TEX14: variants seen among roughly 807,000 people sequenced by gnomAD.
TEX14 encodes testis expressed 14, intercellular bridge forming factor, also known as inactive serine/threonine-protein kinase TEX14.
In TEX14, 168 loss-of-function variants were observed where a neutral mutation model predicts 178.6. The observed-to-expected ratio is 0.94, with a 90% CI of 0.83 to 1.07. The LOEUF is 1.07. Among genes scored for constraint, TEX14 ranks in the 50% least tolerant of loss-of-function variants. TEX14 has a pLI of 0.00. For synonymous variants in TEX14, 626 were observed against 634.1 expected, an observed-to-expected ratio of 0.99 and a Z score of 0.19; for missense variants, 1,730 against 1,753.6, an observed-to-expected ratio of 0.99 and a Z score of 0.24.
intron 22 of TEX14, 122 bp downstream of exon 22, chr17:58,574,065 C>A: frequency 1.3e-6 from 1 of 763,350 alleles, no homozygotes; most frequent in South Asian, 1.6e-5. Context: ...GTGAAAGAAG[C>A]AGCATACTCA....
intron 1 of TEX14, chr17:58,675,182 G>T (rs114125714): frequency 3.3e-5 from 5 of 151,400 alleles, no homozygotes; most frequent in African/African-American, 1.2e-4. Flanking sequence ...ATAAGCACAC[G>T]AAAATATGTT....
chr17:58,619,929 G>C (rs757908964), intron 5 of TEX14, among the ~76,000 whole-genome samples: 21 of 151,730 alleles, frequency 1.4e-4, no homozygotes, highest in Middle Eastern at 3.4e-3. Flanking sequence ...GATTGTAAAA[G>C]CTCATCCACA....
chr17:58,626,538 A>C (rs862809), intron 3 of TEX14, among the ~76,000 whole-genome samples: 108,278 of 140,964 alleles, frequency 0.77, 41,745 homozygotes, highest in African/African-American at 0.93. Flanking sequence ...CCACTGCACT[A>C]CAGCCTGGGC....
intron 14 of TEX14, among the ~76,000 whole-genome samples, chr17:58,597,172 TG>T (rs2045307158): frequency 6.6e-6 from 1 of 151,854 alleles, no homozygotes; most frequent in South Asian, 2.1e-4. Context: ...CTGAGGCAGG[TG>T]GATCACCTAT....
intron 24 of TEX14, 122 bp from the exon 25 acceptor site, chr17:58,570,606 G>A (rs938197204): frequency 3.6e-4 from 163 of 449,462 alleles, no homozygotes; most frequent in African/African-American, 3.3e-3. Context: ...CACCTCCTCT[G>A]GGAAGCCTCC....
chr17:58,690,749 C>G (rs1315019495), intron 1 of TEX14, among the ~76,000 whole-genome samples: 1 of 152,156 alleles, frequency 6.6e-6, no homozygotes, highest in East Asian at 1.9e-4. Context: ...CTTTGACCTA[C>G]CAAATGGGGT....
chr17:58,561,638 G>A (rs374100447), intron 28 of TEX14, 26 bp from the exon 29 acceptor site: 62 of 1,475,218 alleles, frequency 4.2e-5, no homozygotes, highest in Non-Finnish European at 5.7e-5. Flanking sequence ...TGAAGAGAAT[G>A]GAGACAACAG....
intron 1 of TEX14, among the ~76,000 whole-genome samples, chr17:58,690,665 A>T (rs905084085): frequency 6.6e-6 from 1 of 152,198 alleles, no homozygotes; most frequent in Non-Finnish European, 1.5e-5. Context: ...CTGAGCGCTC[A>T]AATATAGACC....
At position 58,599,459 on chromosome 17, in the gene TEX14, C is replaced by G; in HGVS notation, c.1886G>C (p.Cys629Ser). The G allele has an allele frequency of 6.2e-7, 1 of 1,614,104 alleles. No individual in the cohort carries two copies. The stretch of plus-strand genomic sequence containing the variant: ...TTCTATGTCATCTTCCAAAATCAAG[C>G]AGCCTGAGTAGATCTCGTTGATTTC... ...SFEINEIYSG[C>S]LILEDDIEEP... Residue 629 changes from cysteine (C) to serine (S), a missense_variant, in exon 14 of 32, where the codon TGC becomes TCC. By Grantham distance (112) the Cys-to-Ser change is moderately radical. Coordinates refer to ENST00000349033, the MANE Select transcript of TEX14 (RefSeq NM_031272.5).
intron 1 of TEX14, among the ~76,000 whole-genome samples, chr17:58,690,180 T>G (rs1383213034): frequency 1.3e-5 from 2 of 151,674 alleles, no homozygotes; most frequent in African/African-American, 4.8e-5. Flanking sequence ...CTTTGTTTTG[T>G]TTTTGAGATG....
chr17:58,624,294 A>T (rs922552181), intron 3 of TEX14, among the ~76,000 whole-genome samples: 5 of 151,480 alleles, frequency 3.3e-5, no homozygotes, highest in Non-Finnish European at 7.4e-5. Flanking sequence ...CTCTGAATAC[A>T]CTATACAAAC....
intron 18 of TEX14, among the ~76,000 whole-genome samples, chr17:58,585,401 T>A (rs2044930535): frequency 6.6e-6 from 1 of 151,986 alleles, no homozygotes; most frequent in South Asian, 2.1e-4. Flanking sequence ...CCAAAAAAAA[T>A]ATGCTGGAAA....
chr17:58,633,670 C>T (rs1392926757), intron 2 of TEX14, among the ~76,000 whole-genome samples: 1 of 151,808 alleles, frequency 6.6e-6, no homozygotes, highest in Non-Finnish European at 1.5e-5. Context: ...ACTATAAAAA[C>T]ACAAAAATTA....
At chr17:58,647,445 T>C (rs1044030522) in intron 2 of TEX14, among the ~76,000 whole-genome samples, 3 of 149,918 alleles carry the variant, frequency 2.0e-5, no homozygotes, top group African/African-American at 7.4e-5. Flanking sequence ...GGCAGGAGAA[T>C]GGCGTGAACC....
At chr17:58,603,911 G>C (rs1350594673) in intron 11 of TEX14, among the ~76,000 whole-genome samples, 2 of 147,930 alleles carry the variant, frequency 1.4e-5, no homozygotes, top group African/African-American at 5.0e-5. Flanking sequence ...GTGTGTGTGT[G>C]TGTGTGTGTG....
At chr17:58,610,275 A>T (rs560219624) in intron 10 of TEX14, among the ~76,000 whole-genome samples, 4 of 152,350 alleles carry the variant, frequency 2.6e-5, no homozygotes, top group Admixed American at 2.0e-4. Context: ...CATTAGGCTC[A>T]TCAGCACCCA....
intron 2 of TEX14, 98 bp downstream of exon 2, chr17:58,651,768 C>T (rs2046844194): frequency 8.7e-7 from 1 of 1,151,992 alleles, no homozygotes; most frequent in Non-Finnish European, 1.2e-6. Flanking sequence ...CTGGATTTCC[C>T]CAAGGACTCA....
chr17:58,617,507 C>G (rs372943379), intron 6 of TEX14, 31 bp downstream of exon 6: 31 of 1,561,428 alleles, frequency 2.0e-5, no homozygotes, highest in African/African-American at 1.4e-5. Flanking sequence ...GTTAGTCCTG[C>G]AAACACTGGC....
chr17:58,641,495 T>TTATTAC (rs1338911203), intron 2 of TEX14, among the ~76,000 whole-genome samples: 1 of 145,782 alleles, frequency 6.9e-6, no homozygotes, highest in Non-Finnish European at 1.5e-5. Flanking sequence ...TTATTTATTA[T>TTATTAC]TATTATTATT....
Sources: gnomAD v4.1 joint callset for allele counts (sites outside exome capture counted in the v4.1 genomes callset) on GRCh38, gnomAD v4.1.1 for gene constraint, MANE v1.5 for transcripts, NCBI Gene and HGNC (gene_info 2026-07-23, HGNC 2026-07-21) for gene names.